The following PNPLA3 variants were observed in gnomAD, a reference collection of about 807,000 sequenced individuals.
PNPLA3 encodes 1-acylglycerol-3-phosphate O-acyltransferase PNPLA3.
In PNPLA3, 42 loss-of-function variants were observed where a neutral mutation model predicts 43.1. That is an observed-to-expected ratio of 0.97 (90% CI 0.76 to 1.26). The LOEUF (loss-of-function observed/expected upper bound fraction) is 1.26, where lower values mean the gene tolerates loss of function less well. Ranked by LOEUF, PNPLA3 falls within the 50% of genes most tolerant of loss-of-function variation. The probability of loss-of-function intolerance (pLI) is 0.00; values close to 1 mark genes in which losing one functional copy is unlikely to be tolerated. For missense variants in PNPLA3, 647 were observed against 621.4 expected, an observed-to-expected ratio of 1.04 and a Z score of -0.44; for synonymous variants, 272 against 253.6, an observed-to-expected ratio of 1.07 and a Z score of -0.69.
chr22:43,935,238 A>G (rs1327793161), intron 5 of PNPLA3, among the ~76,000 whole-genome samples: 3 of 152,156 alleles, frequency 2.0e-5, no homozygotes, highest in Non-Finnish European at 2.9e-5. Flanking sequence ...CTTTAATACT[A>G]AAAGTTGGTT....
chr22:43,934,350 A>G (rs1466799411), intron 4 of PNPLA3, among the ~76,000 whole-genome samples: 2 of 145,116 alleles, frequency 1.4e-5, no homozygotes, highest in Non-Finnish European at 3.0e-5. Flanking sequence ...AAGTAAAAGG[A>G]AAAAAAAGAG....
Position 43,933,077 on chromosome 22 carries a change from C to G in PNPLA3, c.686C>G (p.Pro229Arg), listed in dbSNP as rs780919312. ...LYLLSRAFVP[P>R]DLKVLGEICL... ...CTTCTCTCGAGAGCTTTTGTCCCCC[C>G]GGATCTCAAGGTGAGTTGGTGGTGA... Residue 229 changes from proline to arginine, a missense_variant, in exon 4 of 9, where the codon CCG becomes CGG. Physicochemically the swap from Pro to Arg is moderately radical, Grantham distance 103. Transcript: ENST00000216180. The G allele has an allele frequency of 2.5e-6, 4 of 1,613,462 alleles. No homozygotes were observed. Among genetic ancestry groups the G allele is most frequent in the Non-Finnish European group, 3.4e-6 (4 of 1,179,980 alleles).
chr22:43,931,786 G>A (rs745491620), intron 3 of PNPLA3, among the ~76,000 whole-genome samples: 3 of 152,234 alleles, frequency 2.0e-5, no homozygotes, highest in Non-Finnish European at 2.9e-5. Context: ...AAAGTGCTGG[G>A]ATTACAGGCG....
At chr22:43,931,967 C>T (rs959019721) in intron 3 of PNPLA3, among the ~76,000 whole-genome samples, 4 of 152,202 alleles carry the variant, frequency 2.6e-5, no homozygotes, top group Admixed American at 2.6e-4. Flanking sequence ...TGATTCTCTC[C>T]TGGACCTGTT....
rs1471206346 is a variant in PNPLA3 at position 43,923,880 on chromosome 22, C to G, written c.-32C>G. On this transcript the variant is annotated 5_prime_UTR_variant, in exon 1 of 9. Coordinates refer to ENST00000216180, the MANE Select transcript of PNPLA3 (RefSeq NM_025225.3). Reference sequence around the variant, plus strand: ...CCGATTCCCGATCCCGACCCAGATCCTAACCCGCGCCCCCGCCCCGCCGCC... The same window carrying G: ...CCGATTCCCGATCCCGACCCAGATCGTAACCCGCGCCCCCGCCCCGCCGCC... The G allele has an allele frequency of 6.8e-7, 1 of 1,478,838 alleles. No homozygotes were observed. The highest frequency in any genetic ancestry group is 2.7e-5 in the East Asian group (1 of 37,058). The allele number at this position is 1,478,838 out of a possible 1,614,324, so 91.6% of individuals were successfully genotyped here. A position where few individuals can be genotyped will look rare whatever the true frequency, so the allele number is the denominator to read the frequency against.
rs368383819 is a variant in PNPLA3, at chr22:43,934,555, A to G, written c.697-51A>G. The G allele has an allele frequency of 4.0e-5, 61 of 1,520,002 alleles. No individual in the cohort carries two copies. The African/African-American group carries it at 6.3e-4, about 16-fold the overall frequency. The allele number at this position is 1,520,002 out of a possible 1,614,324, so 94.2% of individuals were successfully genotyped here. A position where few individuals can be genotyped will look rare whatever the true frequency, so the allele number is the denominator to read the frequency against. On this transcript the variant is annotated intron_variant, in intron 4 of 8. Coordinates refer to ENST00000216180, the MANE Select transcript of PNPLA3 (RefSeq NM_025225.3). ...CGGTCTTCCAATGATGCTGAAATAA[A>G]TGGTGCTTGGTGTCTCCCTGCTGTA... is the stretch of plus-strand genomic sequence containing the variant.
chr22:43,924,261 C>T (rs1489347822), intron 1 of PNPLA3, 163 bp downstream of exon 1: 9 of 861,816 alleles, frequency 1.0e-5, no homozygotes, highest in Admixed American at 4.1e-5. Flanking sequence ...ATGCTTCCTG[C>T]GGGGGCGCTG....
intron 3 of PNPLA3, among the ~76,000 whole-genome samples, chr22:43,929,201 C>T (rs573083681): frequency 3.0e-4 from 46 of 152,236 alleles, no homozygotes; most frequent in African/African-American, 1.0e-3. Flanking sequence ...GTTGGCCAGG[C>T]GCGGTGGCTC....
intron 7 of PNPLA3, among the ~76,000 whole-genome samples, chr22:43,941,730 G>A (rs9625964): frequency 0.046 from 6,957 of 152,024 alleles, 212 homozygotes; most frequent in Middle Eastern, 0.079. Flanking sequence ...GGTTTCATCC[G>A]CAATATATGG....
At position 43,934,598 on chromosome 22, in the gene PNPLA3, G is replaced by C. The variant is rs749560876; in HGVS notation, c.697-8G>C. 1.2e-6 allele frequency: 2 copies of C among 1,612,716 alleles called. No homozygotes were observed. Among genetic ancestry groups the C allele is most frequent in the Non-Finnish European group, 1.7e-6 (2 of 1,178,788 alleles). ...CTGCTGTAGTCCCCTTGCTTGCTTT[G>C]CTCACAGGTGCTGGGAGAGATATGC... On this transcript the variant is annotated splice_polypyrimidine_tract_variant and splice_region_variant and intron_variant, in intron 4 of 8. Coordinates refer to ENST00000216180, the MANE Select transcript of PNPLA3 (RefSeq NM_025225.3).
At chr22:43,927,580 C>T (rs888922465) in intron 2 of PNPLA3, among the ~76,000 whole-genome samples, 1 of 151,150 alleles carries the variant, frequency 6.6e-6, no homozygotes, top group African/African-American at 2.4e-5. Flanking sequence ...ACTCTGTACA[C>T]CTCCAGTGAT....
intron 1 of PNPLA3, 83 bp from the exon 2 acceptor site, chr22:43,926,852 T>G (rs1208639714): frequency 8.5e-7 from 1 of 1,173,848 alleles, no homozygotes; most frequent in African/African-American, 1.5e-5. Context: ...GGTGGCATCC[T>G]TGCTGTCTGG....
chr22:43,937,211 T>C lies in PNPLA3; in HGVS notation c.918T>C (p.Arg306=). 1 of 1,614,152 alleles carries C rather than the reference T, an allele frequency of 6.2e-7. No homozygotes were observed. The highest frequency in any genetic ancestry group is 1.7e-5 in the Admixed American group (1 of 60,020). The change falls in exon 6 of 9, where the codon CGT becomes CGC. Residue 306 remains arginine (R), a synonymous_variant. Transcript: ENST00000216180. Reference sequence around the variant, plus strand: ...GAGATGAGCTGCTAGACCACCTGCGTCTCAGCATCCTGCCCTGGGATGAGA... The same window carrying C: ...GAGATGAGCTGCTAGACCACCTGCGCCTCAGCATCCTGCCCTGGGATGAGA... The part of the protein sequence containing the change: ...LEGDELLDHL[R]LSILPWDESI...
At chr22:43,932,774 T>C in intron 3 of PNPLA3, 104 bp from the exon 4 acceptor site, 1 of 996,354 alleles carries the variant, frequency 1.0e-6, no homozygotes, top group Non-Finnish European at 1.6e-6. Context: ...ATCAGCCTGT[T>C]TGTGGCTCTG....
Position 43,932,994 on chromosome 22 carries a change from C to T in PNPLA3, c.603C>T (p.Asn201=), listed in dbSNP as rs2049971584. Residue 201 remains asparagine, a synonymous_variant, in exon 4 of 9, where the codon AAC becomes AAT. Transcript: ENST00000216180. ...TCTGCCCTAAAGTCAAGTCCACGAA[C>T]TTTCTTCATGTGGACATCACCAAGC... The part of the protein sequence containing the change: ...YDICPKVKST[N]FLHVDITKLS... 1.2e-5 allele frequency: 19 copies of T among 1,614,180 alleles called. No homozygotes were observed. The highest frequency in any genetic ancestry group is 1.6e-5 in the Non-Finnish European group (19 of 1,180,008).
intron 7 of PNPLA3, among the ~76,000 whole-genome samples, chr22:43,941,214 C>T (rs576891513): frequency 2.0e-5 from 3 of 149,462 alleles, no homozygotes; most frequent in Admixed American, 1.3e-4. Context: ...ATCTTTCGTT[C>T]TAGGCATAGT....
intron 2 of PNPLA3, among the ~76,000 whole-genome samples, chr22:43,927,894 C>T (rs967212642): frequency 1.3e-5 from 2 of 152,202 alleles, no homozygotes; most frequent in East Asian, 1.9e-4. Context: ...TAATTCCTCC[C>T]TTTCCTTCAA....
chr22:43,945,232 C>T (rs140377682), intron 8 of PNPLA3, among the ~76,000 whole-genome samples: 37 of 152,250 alleles, frequency 2.4e-4, no homozygotes, highest in African/African-American at 7.9e-4. Flanking sequence ...CTCCTCGGAG[C>T]GTGTGGCTAG....
At chr22:43,934,568 T>A (rs2049982787) in intron 4 of PNPLA3, 38 bp from the exon 5 acceptor site, 2 of 1,571,104 alleles carry the variant, frequency 1.3e-6, no homozygotes, top group Non-Finnish European at 1.8e-6. Context: ...GTGCTTGGTG[T>A]CTCCCTGCTG....
Sources: allele counts gnomAD v4.1 joint callset (sites outside exome capture counted in the v4.1 genomes callset), GRCh38; gene constraint gnomAD v4.1.1; transcripts MANE v1.5; gene names NCBI Gene and HGNC (gene_info 2026-07-23, HGNC 2026-07-21).